Variants in ACTR3 observed in about 807,000 individuals in gnomAD.
ACTR3 encodes the protein actin-related protein 3.
In ACTR3, 12 loss-of-function variants were observed where a neutral mutation model predicts 56.8. The observed-to-expected ratio is 0.21, with a 90% confidence interval of 0.14 to 0.34. The LOEUF (loss-of-function observed/expected upper bound fraction) is 0.34. Ranked by LOEUF, ACTR3 falls within the 10% of genes least tolerant of loss-of-function variation. The pLI is 1.00. For missense variants in ACTR3, 282 were observed against 512.5 expected (o/e 0.55, Z 4.34); for synonymous variants, 162 against 167.4 (o/e 0.97, Z 0.25).
chr2:113,945,614 C>A (rs145845852), intron 8 of ACTR3, among the ~76,000 whole-genome samples: 1 of 152,090 alleles, frequency 6.6e-6, no homozygotes, highest in Non-Finnish European at 1.5e-5. Flanking sequence ...TTTTCCTACA[C>A]TTTCACCTTG....
chr2:113,890,553 C>T (rs1574342957), intron 1 of ACTR3: 23 of 1,376,324 alleles, frequency 1.7e-5, no homozygotes, highest in Non-Finnish European at 2.2e-5. Flanking sequence ...AACCCCCAAC[C>T]CTCCCAGCGG....
At chr2:113,914,559 T>C (rs1236436273) in intron 2 of ACTR3, among the ~76,000 whole-genome samples, 3 of 138,558 alleles carry the variant, frequency 2.2e-5, no homozygotes, top group African/African-American at 8.3e-5. Context: ...TGCAGTGAGC[T>C]GAGATGGCGC....
chr2:113,900,477 G>A (rs527524070), intron 1 of ACTR3, among the ~76,000 whole-genome samples: 2 of 152,156 alleles, frequency 1.3e-5, no homozygotes, highest in African/African-American at 4.8e-5. Flanking sequence ...CAAAGGGACT[G>A]GGAAAACGTT....
In ACTR3 at chr2:113,890,296, CGGCCTGTGTGGT is replaced by C; in HGVS notation, c.20_31del (p.Ala7_Val10del). The C allele has an allele frequency of 7.8e-7, 1 of 1,282,750 alleles. No individual in the cohort carries two copies. The highest frequency in any genetic ancestry group is 1.2e-5 in the South Asian group (1 of 80,188). 79.5% of individuals were successfully genotyped at this position (1,282,750 alleles called of 1,614,324 possible). On this transcript the variant is annotated inframe_deletion, in exon 1 of 12. Transcript: ENST00000263238. Reference sequence around the variant, plus strand: ...AGGAGGAAGATGGCGGGACGGCTGCCGGCCTGTGTGGTGGACTGTGGCACGGGGTAAGGGGGC... The same window carrying C: ...AGGAGGAAGATGGCGGGACGGCTGCCGGACTGTGGCACGGGGTAAGGGGGC...
chr2:113,909,979 G>A (rs527808830), intron 1 of ACTR3, among the ~76,000 whole-genome samples: 25 of 152,192 alleles, frequency 1.6e-4, no homozygotes, highest in African/African-American at 5.8e-4. Context: ...ATATGTATTT[G>A]GTCTTCAACT....
At chr2:113,944,584 TAAAAAAAAAAAAAA>T (rs34378884) in intron 8 of ACTR3, among the ~76,000 whole-genome samples, 1 of 57,992 alleles carries the variant, frequency 1.7e-5, no homozygotes, top group East Asian at 5.5e-4. Context: ...CCGTCTCTAC[TAAAAAAAAAAAAAA>T]AAAAAAAAAA....
chr2:113,946,840 A>G (rs1020488166), intron 8 of ACTR3, among the ~76,000 whole-genome samples: 1 of 152,176 alleles, frequency 6.6e-6, no homozygotes, highest in African/African-American at 2.4e-5. Context: ...TTGGGGTTTG[A>G]ATTAACTTTC....
chr2:113,890,942 G>C (rs1437648933), intron 1 of ACTR3, among the ~76,000 whole-genome samples: 1 of 152,092 alleles, frequency 6.6e-6, no homozygotes, highest in Non-Finnish European at 1.5e-5. Context: ...CGTTTTAACC[G>C]GTGAACCAAG....
chr2:113,917,066 G>T, intron 3 of ACTR3, 58 bp downstream of exon 3: 1 of 1,450,088 alleles, frequency 6.9e-7, no homozygotes, highest in African/African-American at 1.4e-5. Flanking sequence ...TTCGATGCTT[G>T]TGCCCTCTGG....
intron 3 of ACTR3, among the ~76,000 whole-genome samples, chr2:113,925,485 C>A (rs151008176): frequency 6.6e-6 from 1 of 152,198 alleles, no homozygotes; most frequent in Admixed American, 6.5e-5. Flanking sequence ...CATGAGCCAC[C>A]ACGCCCAGTC....
chr2:113,896,445 G>C (rs976669382), intron 1 of ACTR3, among the ~76,000 whole-genome samples: 1 of 152,238 alleles, frequency 6.6e-6, no homozygotes, highest in Admixed American at 6.5e-5. Flanking sequence ...GATTCCAGTG[G>C]ATTGTAAATA....
rs768796751 is a variant in ACTR3 at position 113,913,226 on chromosome 2, C to T, written c.99C>T (p.Ser33=). The change falls in exon 2 of 12, where the codon TCC becomes TCT. Residue 33 remains serine (S), a splice_region_variant and synonymous_variant. Coordinates refer to ENST00000263238, the MANE Select transcript of ACTR3 (RefSeq NM_005721.5). The part of the protein sequence containing the change: ...GNTEPQFIIP[S]CIAIKESAKV... The stretch of plus-strand genomic sequence containing the variant: ...CAGAACCACAGTTTATCATCCCTTC[C>T]TGTAAGTATTTCTTTTAAGCCACAA... The T allele has an allele frequency of 6.3e-6, 10 of 1,587,304 alleles. No homozygotes were observed. The highest frequency in any genetic ancestry group is 2.7e-5 in the African/African-American group (2 of 73,608).
chr2:113,931,467 G>T (rs532079265), intron 5 of ACTR3, 71 bp downstream of exon 5: 6 of 1,016,060 alleles, frequency 5.9e-6, no homozygotes, highest in South Asian at 2.1e-5. Flanking sequence ...CCTAAAATAC[G>T]TACTTTTTTT....
intron 4 of ACTR3, among the ~76,000 whole-genome samples, chr2:113,928,591 A>C (rs972193903): frequency 1.3e-5 from 2 of 152,210 alleles, no homozygotes; most frequent in African/African-American, 4.8e-5. Flanking sequence ...AGGAAACTTA[A>C]TGAGAACTTT....
At chr2:113,913,127 T>G in intron 1 of ACTR3, 45 bp from the exon 2 acceptor site, 1 of 1,291,378 alleles carries the variant, frequency 7.7e-7, no homozygotes, top group Non-Finnish European at 1.1e-6. Context: ...AATGTATAAT[T>G]GCTAAAATAT....
intron 5 of ACTR3, among the ~76,000 whole-genome samples, chr2:113,932,964 G>T (rs1574372091): frequency 6.6e-6 from 1 of 152,212 alleles, no homozygotes; most frequent in East Asian, 1.9e-4. Context: ...TATAAGTTTA[G>T]TTGTTTTTAA....
intron 1 of ACTR3, among the ~76,000 whole-genome samples, chr2:113,897,727 A>G (rs908003735): frequency 7.9e-5 from 12 of 151,818 alleles, no homozygotes; most frequent in African/African-American, 2.7e-4. Context: ...GGGTTTCACC[A>G]TATTGGCCAG....
In ACTR3 at chr2:113,937,206, C is replaced by T. The variant is rs142083233; in HGVS notation, c.541-2753C>T. Reference sequence around the variant, plus strand: ...TCAACCTCTGCCTCCTGGGTTTAAGCGATTCTTGTGTCTCAGCCTCCCGAG... The same window carrying T: ...TCAACCTCTGCCTCCTGGGTTTAAGTGATTCTTGTGTCTCAGCCTCCCGAG... On this transcript the variant is annotated intron_variant, in intron 6 of 11. Transcript: ENST00000263238. Among the ~76,000 whole-genome samples, 731 of 152,226 alleles carry T rather than the reference C, an allele frequency of 4.8e-3. 7 individuals carry two copies. Among genetic ancestry groups the T allele is most frequent in the African/African-American group, 0.016 (683 of 41,540 alleles).
intron 1 of ACTR3, chr2:113,890,600 T>C: frequency 1.5e-6 from 2 of 1,319,960 alleles, no homozygotes; most frequent in African/African-American, 1.5e-5. Flanking sequence ...CTTCCCCCAC[T>C]ACGGTGGGCA....
Sources: gnomAD v4.1 joint callset for allele counts (sites outside exome capture counted in the v4.1 genomes callset) on GRCh38, gnomAD v4.1.1 for gene constraint, MANE v1.5 for transcripts, NCBI Gene and HGNC (gene_info 2026-07-23, HGNC 2026-07-21) for gene names.